The following ATF2 variants were observed in gnomAD, a reference collection of about 807,000 sequenced individuals.
The protein encoded by ATF2 is activating transcription factor 2.
Under a neutral mutation model 60.6 loss-of-function variants are expected in ATF2, and 24 were observed. The observed-to-expected ratio is 0.40, with a 90% CI of 0.29 to 0.56. The LOEUF is 0.56. Among genes scored for constraint, ATF2 ranks in the 20% least tolerant of loss-of-function variants. ATF2 has a pLI of 0.54. For synonymous variants in ATF2, 206 were observed against 215.4 expected, an observed-to-expected ratio of 0.96 and a Z score of 0.38; for missense variants, 433 against 607.7, an observed-to-expected ratio of 0.71 and a Z score of 3.02.
intron 12 of ATF2, among the ~76,000 whole-genome samples, chr2:175,085,522 A>T (rs1442188385): frequency 6.6e-6 from 1 of 150,756 alleles, no homozygotes; most frequent in Non-Finnish European, 1.5e-5. Context: ...CAAGTCTCAA[A>T]AAAATAAAAT....
At chr2:175,098,008 G>A (rs906449808) in intron 10 of ATF2, among the ~76,000 whole-genome samples, 31 of 152,104 alleles carry the variant, frequency 2.0e-4, no homozygotes, top group African/African-American at 7.2e-4. Flanking sequence ...ATTAGAATGA[G>A]GCCCTAGATA....
At chr2:175,126,149 A>C (rs543669615) in intron 4 of ATF2, among the ~76,000 whole-genome samples, 1 of 152,312 alleles carries the variant, frequency 6.6e-6, no homozygotes, top group Admixed American at 6.5e-5. Context: ...GTAAATACTG[A>C]ATTATCATCT....
At chr2:175,149,468 T>C (rs1180385588) in intron 2 of ATF2, among the ~76,000 whole-genome samples, 2 of 152,134 alleles carry the variant, frequency 1.3e-5, no homozygotes, top group African/African-American at 4.8e-5. Flanking sequence ...TTTTGCAAGA[T>C]CACTAATAAA....
At chr2:175,104,665 T>C (rs545235203) in intron 10 of ATF2, among the ~76,000 whole-genome samples, 1 of 152,284 alleles carries the variant, frequency 6.6e-6, no homozygotes, top group Non-Finnish European at 1.5e-5. Flanking sequence ...TACGAACCCA[T>C]CTTCAATGTT....
intron 13 of ATF2, among the ~76,000 whole-genome samples, chr2:175,078,905 A>G (rs142323431): frequency 1.3e-5 from 2 of 152,268 alleles, no homozygotes; most frequent in African/African-American, 4.8e-5. Context: ...CAAGATCTGA[A>G]GAGAATTAAT....
chr2:175,141,011 AAAAAAAAAAAAAAAAAAAAATAT>A (rs1244965978), intron 2 of ATF2, among the ~76,000 whole-genome samples: 8 of 98,542 alleles, frequency 8.1e-5, no homozygotes, highest in African/African-American at 3.8e-4. Flanking sequence ...AAAAAAAAAA[AAAAAAAAAAAAAAAAAAAAATAT>A]ATATATATAT....
At chr2:175,157,433 C>T (rs62184526) in intron 1 of ATF2, among the ~76,000 whole-genome samples, 5,824 of 152,218 alleles carry the variant, frequency 0.038, 133 homozygotes, top group Admixed American at 0.094. Context: ...AAGAAGCAAA[C>T]GTCTGGGAGG....
intron 13 of ATF2, among the ~76,000 whole-genome samples, chr2:175,079,475 A>T (rs1204346589): frequency 6.6e-6 from 1 of 152,076 alleles, no homozygotes; most frequent in Non-Finnish European, 1.5e-5. Context: ...AATCCCAAAC[A>T]TATTTCTATA....
At chr2:175,091,663 G>C (rs1039758943) in intron 12 of ATF2, among the ~76,000 whole-genome samples, 1 of 152,206 alleles carries the variant, frequency 6.6e-6, no homozygotes. Flanking sequence ...AGGAGTTCGA[G>C]ACCAGCCTGG....
rs752700700 is a variant in ATF2, at chr2:175,080,778, C to T, written c.1186-13G>A. 4 of 1,591,462 alleles carry T rather than the reference C, an allele frequency of 2.5e-6. No homozygotes were observed. The highest frequency in any genetic ancestry group is 1.1e-5 in the South Asian group (1 of 90,472). On this transcript the variant is annotated splice_polypyrimidine_tract_variant and intron_variant, in intron 12 of 13. Coordinates refer to ENST00000264110, the MANE Select transcript of ATF2 (RefSeq NM_001880.4). Reference sequence around the variant, plus strand: ...GGGTGACTTCACTCTGGAGAAGAAACAACTTATGTACCTTACCACAGACTA... The same window carrying T: ...GGGTGACTTCACTCTGGAGAAGAAATAACTTATGTACCTTACCACAGACTA...
intron 7 of ATF2, among the ~76,000 whole-genome samples, chr2:175,117,667 T>C (rs996583930): frequency 2.0e-5 from 3 of 152,032 alleles, no homozygotes; most frequent in African/African-American, 7.2e-5. Flanking sequence ...TTTGAATAGA[T>C]TCTTAATTAA....
intron 1 of ATF2, among the ~76,000 whole-genome samples, chr2:175,163,879 G>A (rs867604549): frequency 6.9e-4 from 81 of 118,186 alleles, no homozygotes; most frequent in Admixed American, 1.7e-3. Context: ...GCTGAGAGCG[G>A]CACTGCACTC....
chr2:175,076,726 GT>G (rs1693332010), intron 13 of ATF2, among the ~76,000 whole-genome samples: 1 of 149,392 alleles, frequency 6.7e-6, no homozygotes, highest in Non-Finnish European at 1.5e-5. Context: ...AGCTCTATTT[GT>G]TTTGTTTCAC....
In ATF2 at chr2:175,158,262, G is replaced by A. The variant is rs1473963293; in HGVS notation, c.-142-7104C>T. Among the ~76,000 whole-genome samples the A allele has an allele frequency of 1.3e-4, 19 of 145,076 alleles. No homozygotes were observed. In the Admixed American group the frequency reaches 1.3e-3, roughly 10 times the overall value. On this transcript the variant is annotated intron_variant, in intron 1 of 13. Coordinates refer to ENST00000264110, the MANE Select transcript of ATF2 (RefSeq NM_001880.4). ...TTTTTTTTTTTTTTTTTTGAGACAGGGTCTTGCTCTGTAAGTACAGTGGCC... is the reference window on the plus strand; with the variant it reads ...TTTTTTTTTTTTTTTTTTGAGACAGAGTCTTGCTCTGTAAGTACAGTGGCC...
In ATF2 at chr2:175,167,449, T is replaced by G. The variant is rs572192922; in HGVS notation, c.-143+601A>C. On this transcript the variant is annotated intron_variant, in intron 1 of 13. Coordinates refer to ENST00000264110, the MANE Select transcript of ATF2 (RefSeq NM_001880.4). ...GGAAAGGACGGAAAAGGCCGAGACTTCCAGCTCCTAGGTTCTCCACACCAT... is the reference window on the plus strand; with the variant it reads ...GGAAAGGACGGAAAAGGCCGAGACTGCCAGCTCCTAGGTTCTCCACACCAT... 3.3e-5 allele frequency among the ~76,000 whole-genome samples: 5 copies of G among 152,192 alleles called. No individual in the cohort carries two copies. In the East Asian group the frequency reaches 7.7e-4, roughly 24 times the overall value.
At chr2:175,166,156 C>CA (rs561372217) in intron 1 of ATF2, among the ~76,000 whole-genome samples, 2 of 151,920 alleles carry the variant, frequency 1.3e-5, no homozygotes, top group African/African-American at 4.8e-5. Context: ...ACTACACATA[C>CA]AAAAAAAAGT....
chr2:175,079,709 C>T (rs1345972254), intron 13 of ATF2, among the ~76,000 whole-genome samples: 2 of 152,092 alleles, frequency 1.3e-5, no homozygotes, highest in African/African-American at 4.8e-5. Flanking sequence ...TAAGTTTTAT[C>T]GTGAGCACCT....
intron 11 of ATF2, among the ~76,000 whole-genome samples, chr2:175,095,571 T>C (rs212360): frequency 0.26 from 39,824 of 152,148 alleles, 6,189 homozygotes; most frequent in African/African-American, 0.44. Flanking sequence ...TTTATGCCTA[T>C]CAAGGATTGG....
At chr2:175,097,240 A>C (rs1694990997) in intron 11 of ATF2, among the ~76,000 whole-genome samples, 1 of 152,238 alleles carries the variant, frequency 6.6e-6, no homozygotes, top group Non-Finnish European at 1.5e-5. Flanking sequence ...AAATATTTGC[A>C]GGTGTCCTGA....
Sources: gnomAD v4.1 joint callset for allele counts (sites outside exome capture counted in the v4.1 genomes callset) on GRCh38, gnomAD v4.1.1 for gene constraint, MANE v1.5 for transcripts, NCBI Gene and HGNC (gene_info 2026-07-23, HGNC 2026-07-21) for gene names.